PHLDB2: variants seen among roughly 807,000 people sequenced by gnomAD.
The protein encoded by PHLDB2 is pleckstrin homology-like domain family B member 2.
Under a neutral mutation model 123.6 loss-of-function variants are expected in PHLDB2, and 71 were observed. That is an observed-to-expected ratio of 0.57 (90% CI 0.47 to 0.70). PHLDB2 has a LOEUF of 0.70. PHLDB2 is among the 30% of genes least tolerant of loss of function. PHLDB2 has a pLI of 0.00. For synonymous variants in PHLDB2, 547 were observed against 541.6 expected (o/e 1.01, Z -0.14); for missense variants, 1,446 against 1,519.5 (o/e 0.95, Z 0.80).
chr3:111,740,832 CA>C (rs1481739121), intron 1 of PHLDB2, among the ~76,000 whole-genome samples: 1 of 148,502 alleles, frequency 6.7e-6, no homozygotes, highest in African/African-American at 2.5e-5. Flanking sequence ...ATGAGTCCAA[CA>C]ATGATTATCA....
chr3:111,853,298 T>A (rs369720688), intron 2 of PHLDB2, among the ~76,000 whole-genome samples: 1 of 152,194 alleles, frequency 6.6e-6, no homozygotes, highest in Non-Finnish European at 1.5e-5. Flanking sequence ...ATAGTTTCCC[T>A]TAACAACAGT....
At chr3:111,756,683 C>T (rs1167166742) in intron 1 of PHLDB2, among the ~76,000 whole-genome samples, 1 of 152,084 alleles carries the variant, frequency 6.6e-6, no homozygotes, top group Admixed American at 6.5e-5. Flanking sequence ...GAATTTGATC[C>T]TGTCATTATG....
chr3:111,972,222 A>C (rs182178869), intron 16 of PHLDB2, among the ~76,000 whole-genome samples: 1 of 152,318 alleles, frequency 6.6e-6, no homozygotes, highest in East Asian at 1.9e-4. Flanking sequence ...TGTTTGAGAG[A>C]TACATTGACC....
At chr3:111,955,467 GAGA>G (rs1312494850) in intron 12 of PHLDB2, among the ~76,000 whole-genome samples, 1 of 151,912 alleles carries the variant, frequency 6.6e-6, no homozygotes, top group East Asian at 1.9e-4. Flanking sequence ...ATAAATATTT[GAGA>G]CAAGGTCTCA....
rs1219399832 is a variant in PHLDB2 at position 111,885,143 on chromosome 3, C to T, written c.1066C>T (p.Gln356Ter). The T allele has an allele frequency of 1.2e-6, 2 of 1,614,128 alleles. No homozygotes were observed. Among genetic ancestry groups the T allele is most frequent in the Non-Finnish European group, 8.5e-7 (1 of 1,180,014 alleles). Residue 356 changes from glutamine to a stop codon, truncating the protein, a stop_gained, in exon 2 of 18, where the codon CAG (glutamine) becomes TAG (stop). Transcript: ENST00000431670. LOFTEE classifies it high-confidence loss of function. ...TSSCASDDFDQASYVGTNPSH... is the reference protein window; with the variant it reads ...TSSCASDDFD Reference sequence around the variant, plus strand: ...CTCCTGTGCCTCTGATGACTTTGATCAGGCTTCATATGTGGGGACAAACCC... The same window carrying T: ...CTCCTGTGCCTCTGATGACTTTGATTAGGCTTCATATGTGGGGACAAACCC...
intron 1 of PHLDB2, among the ~76,000 whole-genome samples, chr3:111,767,093 C>G (rs891542380): frequency 6.9e-6 from 1 of 145,910 alleles, no homozygotes; most frequent in Admixed American, 6.8e-5. Context: ...AGTCTCTTTA[C>G]ATGCATTATA....
intron 1 of PHLDB2, among the ~76,000 whole-genome samples, chr3:111,878,258 G>GA: frequency 6.6e-6 from 1 of 152,094 alleles, no homozygotes; most frequent in Non-Finnish European, 1.5e-5. Flanking sequence ...TCCTTGAAGA[G>GA]GTTCTTCACA....
chr3:111,832,031 G>A (rs565333410), intron 1 of PHLDB2, among the ~76,000 whole-genome samples: 1 of 152,222 alleles, frequency 6.6e-6, no homozygotes, highest in South Asian at 2.1e-4. Flanking sequence ...ACTGGCTCAT[G>A]AGTTTTGCCT....
rs551497842 is a variant in PHLDB2 at position 111,916,087 on chromosome 3, T to A, written c.1719+2385T>A. 9.2e-5 allele frequency: 14 copies of A among 152,346 alleles called. No homozygotes were observed. The South Asian group carries it at 2.3e-3, about 25-fold the overall frequency. 9.4% of individuals were successfully genotyped at this position (152,346 alleles called of 1,614,324 possible). ...ATCTTTTGGGAGACAGGTTTCCTCC[T>A]GGAGAGGGCTATGACAAGAATGCTG... On this transcript the variant is annotated intron_variant, in intron 3 of 17. Transcript: ENST00000431670.
intron 5 of PHLDB2, among the ~76,000 whole-genome samples, chr3:111,929,412 G>A (rs577161612): frequency 2.1e-4 from 32 of 152,144 alleles, no homozygotes; most frequent in Middle Eastern, 6.8e-3. Context: ...TAAATATGGT[G>A]GAAGAGAAAA....
intron 1 of PHLDB2, among the ~76,000 whole-genome samples, chr3:111,828,492 G>T (rs899964314): frequency 5.9e-5 from 9 of 152,016 alleles, no homozygotes; most frequent in Non-Finnish European, 2.9e-5. Context: ...AAATAGTTTT[G>T]GCTTTTAAAA....
chr3:111,796,998 A>G (rs2061187632), intron 1 of PHLDB2, among the ~76,000 whole-genome samples: 1 of 152,130 alleles, frequency 6.6e-6, no homozygotes, highest in Non-Finnish European at 1.5e-5. Flanking sequence ...ACTTCCTCTA[A>G]CCCTTTTCTA....
chr3:111,971,419 A>G (rs529622704), intron 16 of PHLDB2, among the ~76,000 whole-genome samples: 2 of 151,298 alleles, frequency 1.3e-5, no homozygotes, highest in Non-Finnish European at 2.9e-5. Flanking sequence ...TGCAAACCAA[A>G]ACTTCTGGTG....
intron 1 of PHLDB2, among the ~76,000 whole-genome samples, chr3:111,775,290 A>C (rs996521032): frequency 6.6e-6 from 1 of 152,184 alleles, no homozygotes; most frequent in Non-Finnish European, 1.5e-5. Flanking sequence ...TAGAAAACAA[A>C]CATCGAGAAC....
chr3:111,804,912 A>G (rs896507325), intron 1 of PHLDB2, among the ~76,000 whole-genome samples: 9 of 152,358 alleles, frequency 5.9e-5, no homozygotes, highest in East Asian at 1.9e-4. Flanking sequence ...GAACAATATC[A>G]AGTTTTTGGT....
intron 13 of PHLDB2, among the ~76,000 whole-genome samples, chr3:111,962,969 G>A (rs1346906658): frequency 6.6e-6 from 1 of 151,038 alleles, no homozygotes; most frequent in Non-Finnish European, 1.5e-5. Flanking sequence ...AAAAAGAAAA[G>A]GAATGATTTC....
intron 2 of PHLDB2, among the ~76,000 whole-genome samples, chr3:111,892,008 A>G (rs10804494): frequency 0.6 from 91,899 of 152,022 alleles, 28,530 homozygotes; most frequent in East Asian, 0.94. Flanking sequence ...TTTCTTTCTG[A>G]CTGGTGATAG....
intron 1 of PHLDB2, among the ~76,000 whole-genome samples, chr3:111,870,839 G>T (rs1189659494): frequency 6.6e-6 from 1 of 152,148 alleles, no homozygotes. Context: ...TGCTGAAAGA[G>T]ACCAGCCTGT....
chr3:111,757,885 C>T (rs1170694400), intron 1 of PHLDB2, among the ~76,000 whole-genome samples: 1 of 152,182 alleles, frequency 6.6e-6, no homozygotes, highest in East Asian at 1.9e-4. Context: ...CTGTTTGCCT[C>T]GGTATCTGCA....
Sources: allele counts gnomAD v4.1 joint callset (sites outside exome capture counted in the v4.1 genomes callset), GRCh38; gene constraint gnomAD v4.1.1; transcripts MANE v1.5; gene names NCBI Gene and HGNC (gene_info 2026-07-23, HGNC 2026-07-21).